BACH2: variants seen among roughly 807,000 people sequenced by gnomAD.
BACH2 encodes the protein BACH transcriptional regulator 2.
Under a neutral mutation model 61.8 loss-of-function variants are expected in BACH2, and 5 were observed. The observed-to-expected ratio is 0.08, with a 90% CI of 0.04 to 0.17. BACH2 has a LOEUF of 0.17. Among genes scored for constraint, BACH2 ranks in the 10% least tolerant of loss-of-function variants. BACH2 has a pLI of 1.00. For missense variants in BACH2, 824 were observed against 1,091.1 expected (o/e 0.76, Z 3.45); for synonymous variants, 446 against 440.1 (o/e 1.01, Z -0.17).
chr6:90,201,199 G>A (rs896705404), intron 4 of BACH2, among the ~76,000 whole-genome samples: 1 of 152,164 alleles, frequency 6.6e-6, no homozygotes, highest in African/African-American at 2.4e-5. Flanking sequence ...TTCTCTTTGA[G>A]TTAATGTTCT....
intron 4 of BACH2, among the ~76,000 whole-genome samples, chr6:90,142,201 T>A (rs1784484259): frequency 6.6e-6 from 1 of 152,224 alleles, no homozygotes; most frequent in South Asian, 2.1e-4. Context: ...TTTGACTTAG[T>A]ATGTGATGCT....
chr6:90,235,359 G>A (rs1360257267), intron 3 of BACH2, among the ~76,000 whole-genome samples: 2 of 152,124 alleles, frequency 1.3e-5, no homozygotes, highest in Non-Finnish European at 2.9e-5. Context: ...GCTAATAATA[G>A]TAATTACATC....
chr6:90,013,725 G>A (rs1777858798), intron 5 of BACH2, among the ~76,000 whole-genome samples: 3 of 151,856 alleles, frequency 2.0e-5, no homozygotes, highest in African/African-American at 4.8e-5. Flanking sequence ...AGCCAGGATG[G>A]TCTTGATCTC....
intron 3 of BACH2, among the ~76,000 whole-genome samples, chr6:90,217,743 C>T (rs56212747): frequency 0.1 from 15,117 of 151,628 alleles, 1,104 homozygotes; most frequent in East Asian, 0.38. Context: ...GAGCGGGAGA[C>T]AATTTTTTAA....
chr6:90,069,039 T>A (rs1781099463), intron 5 of BACH2, among the ~76,000 whole-genome samples: 1 of 152,202 alleles, frequency 6.6e-6, no homozygotes, highest in Non-Finnish European at 1.5e-5. Context: ...TTTCTGCTTT[T>A]ACTGTTACTC....
chr6:89,984,553 G>C (rs1016864107), intron 6 of BACH2, among the ~76,000 whole-genome samples: 3 of 152,074 alleles, frequency 2.0e-5, no homozygotes, highest in African/African-American at 7.2e-5. Flanking sequence ...AGACACAAGT[G>C]TGTTCATCTA....
chr6:90,220,082 C>T (rs1022596698), intron 3 of BACH2, among the ~76,000 whole-genome samples: 3 of 152,092 alleles, frequency 2.0e-5, no homozygotes, highest in East Asian at 3.9e-4. Flanking sequence ...TTTACATCTG[C>T]ACTTTTTAAT....
chr6:89,941,021 C>A (rs1773397674), intron 7 of BACH2, among the ~76,000 whole-genome samples: 1 of 152,064 alleles, frequency 6.6e-6, no homozygotes, highest in Non-Finnish European at 1.5e-5. Flanking sequence ...CTCAATGAAT[C>A]CCAGCAGCCA....
intron 4 of BACH2, among the ~76,000 whole-genome samples, chr6:90,106,136 A>T (rs1194805899): frequency 6.6e-6 from 1 of 152,252 alleles, no homozygotes. Context: ...TGAAGTTTCA[A>T]AAAAGCTAGA....
intron 5 of BACH2, among the ~76,000 whole-genome samples, chr6:90,050,377 C>A (rs552510856): frequency 6.6e-6 from 1 of 152,090 alleles, no homozygotes; most frequent in Non-Finnish European, 1.5e-5. Context: ...CAAATTTTAA[C>A]GTAATATCGA....
chr6:90,140,272 A>G (rs1269317668), intron 4 of BACH2, among the ~76,000 whole-genome samples: 1 of 152,178 alleles, frequency 6.6e-6, no homozygotes, highest in East Asian at 1.9e-4. Context: ...TCAACTATAC[A>G]AGGGATTCTG....
intron 7 of BACH2, among the ~76,000 whole-genome samples, chr6:89,941,549 T>C (rs1773430079): frequency 1.3e-5 from 2 of 152,202 alleles, no homozygotes; most frequent in South Asian, 4.1e-4. Flanking sequence ...GAAAGGCCTT[T>C]GTGCACGGGG....
intron 3 of BACH2, among the ~76,000 whole-genome samples, chr6:90,247,990 G>C (rs1770692898): frequency 6.6e-6 from 1 of 152,146 alleles, no homozygotes; most frequent in Non-Finnish European, 1.5e-5. Flanking sequence ...GTGTCTTCTA[G>C]CTTAGAGTAT....
chr6:90,235,704 CCTT>C (rs1039958355), intron 3 of BACH2, among the ~76,000 whole-genome samples: 3 of 152,130 alleles, frequency 2.0e-5, no homozygotes, highest in African/African-American at 4.8e-5. Context: ...AGAAAATAAT[CCTT>C]CTTCTGGGTA....
At position 90,272,388 on chromosome 6, in the gene BACH2, T is replaced by C. The variant is rs573449686; in HGVS notation, c.-445-447A>G. Among the ~76,000 whole-genome samples the C allele has an allele frequency of 1.3e-4, 20 of 152,216 alleles. 1 individual carries two copies. Among genetic ancestry groups the C allele is most frequent in the African/African-American group, 1.7e-4 (7 of 41,528 alleles). Reference sequence around the variant, plus strand: ...TTTTAAGGCCCTGGGTTTTTCTCTCTCCCTCAGAAATCGTCTGTTCCCAGC... The same window carrying C: ...TTTTAAGGCCCTGGGTTTTTCTCTCCCCCTCAGAAATCGTCTGTTCCCAGC... On this transcript the variant is annotated intron_variant, in intron 1 of 8. Coordinates refer to ENST00000257749, the MANE Select transcript of BACH2 (RefSeq NM_021813.4).
chr6:90,171,340 G>A (rs576319556), intron 4 of BACH2, among the ~76,000 whole-genome samples: 1 of 152,068 alleles, frequency 6.6e-6, no homozygotes, highest in South Asian at 2.1e-4. Flanking sequence ...TTGAACCCAG[G>A]AGGTGGAGGT....
intron 4 of BACH2, among the ~76,000 whole-genome samples, chr6:90,153,178 G>A (rs913133769): frequency 1.3e-5 from 2 of 152,084 alleles, no homozygotes; most frequent in Admixed American, 6.5e-5. Flanking sequence ...ATTTATTAAG[G>A]TTATATCTAA....
chr6:89,931,389 T>C lies in BACH2; in HGVS notation c.*1019A>G, dbSNP rs1392765860. The C allele has an allele frequency of 6.5e-6, 1 of 152,804 alleles. No individual in the cohort carries two copies. The highest frequency in any genetic ancestry group is 1.5e-5 in the Non-Finnish European group (1 of 68,034). The allele number at this position is 152,804 out of a possible 1,614,324, so 9.5% of individuals were successfully genotyped here. A position where few individuals can be genotyped will look rare whatever the true frequency, so the allele number is the denominator to read the frequency against. Reference sequence around the variant, plus strand: ...TACACATCCTAGGATGAATTCATTATTTGGCAAGATTGTTTTTCCTACATA... The same window carrying C: ...TACACATCCTAGGATGAATTCATTACTTGGCAAGATTGTTTTTCCTACATA... On this transcript the variant is annotated 3_prime_UTR_variant, in exon 9 of 9. Coordinates refer to ENST00000257749, the MANE Select transcript of BACH2 (RefSeq NM_021813.4).
intron 4 of BACH2, among the ~76,000 whole-genome samples, chr6:90,124,219 AC>A (rs1176985779): frequency 1.3e-5 from 2 of 152,216 alleles, no homozygotes; most frequent in African/African-American, 2.4e-5. Context: ...TTTTAAAAAA[AC>A]GTGTCCAACA....
Sources: allele counts gnomAD v4.1 joint callset (sites outside exome capture counted in the v4.1 genomes callset), GRCh38; gene constraint gnomAD v4.1.1; transcripts MANE v1.5; gene names NCBI Gene and HGNC (gene_info 2026-07-23, HGNC 2026-07-21).